Variants in MAGI1 observed in about 807,000 individuals in gnomAD.
MAGI1 encodes the protein membrane associated guanylate kinase, WW and PDZ domain containing 1.
A neutral mutation model predicts 139.9 loss-of-function variants in MAGI1; 58 were observed. That is an observed-to-expected ratio of 0.41 (90% CI 0.34 to 0.52). The LOEUF (loss-of-function observed/expected upper bound fraction) is 0.52, where lower values mean the gene tolerates loss of function less well. Ranked by LOEUF, MAGI1 falls within the 20% of genes least tolerant of loss-of-function variation. The probability of loss-of-function intolerance (pLI) is 0.12; values close to 1 mark genes in which losing one functional copy is unlikely to be tolerated. For missense variants in MAGI1, 1,874 were observed against 1,901.6 expected, an observed-to-expected ratio of 0.99 and a Z score of 0.27; for synonymous variants, 812 against 737.9, an observed-to-expected ratio of 1.10 and a Z score of -1.63.
At chr3:65,528,398 T>C (rs146720262) in intron 2 of MAGI1, among the ~76,000 whole-genome samples, 51 of 152,304 alleles carry the variant, frequency 3.3e-4, no homozygotes, top group African/African-American at 1.4e-4. Context: ...AGAGATTCAA[T>C]AGATACACCA....
At chr3:65,740,106 G>A (rs2107776208) in intron 1 of MAGI1, among the ~76,000 whole-genome samples, 1 of 152,306 alleles carries the variant, frequency 6.6e-6, no homozygotes, top group South Asian at 2.1e-4. Context: ...TGATAGGAAT[G>A]TGCATTCAGT....
chr3:65,572,093 T>C (rs1313770188), intron 2 of MAGI1, among the ~76,000 whole-genome samples: 1 of 152,162 alleles, frequency 6.6e-6, no homozygotes, highest in Non-Finnish European at 1.5e-5. Flanking sequence ...AAGGTAATCA[T>C]CCTATTTAAT....
At chr3:66,008,023 A>G (rs937797418) in intron 1 of MAGI1, among the ~76,000 whole-genome samples, 7 of 151,776 alleles carry the variant, frequency 4.6e-5, no homozygotes, top group African/African-American at 1.7e-4. Flanking sequence ...CAGCCTCCCA[A>G]GTAGCTGGGA....
intron 12 of MAGI1, among the ~76,000 whole-genome samples, chr3:65,419,835 C>T (rs1946512746): frequency 6.6e-6 from 1 of 152,070 alleles, no homozygotes; most frequent in African/African-American, 2.4e-5. Context: ...ATATCGCCTG[C>T]TACAAGGGCA....
At chr3:65,819,439 T>C (rs1185590689) in intron 1 of MAGI1, among the ~76,000 whole-genome samples, 1 of 152,160 alleles carries the variant, frequency 6.6e-6, no homozygotes, top group Non-Finnish European at 1.5e-5. Context: ...ACATTGGTCA[T>C]CCTAGTGACC....
At position 65,943,238 on chromosome 3, in the gene MAGI1, T is replaced by C. The variant is rs2063395631; in HGVS notation, c.313+94758A>G. 2.6e-5 allele frequency among the ~76,000 whole-genome samples: 4 copies of C among 152,104 alleles called. 1 individual carries two copies. The highest frequency in any genetic ancestry group is 5.9e-5 in the Non-Finnish European group (4 of 68,006). On this transcript the variant is annotated intron_variant, in intron 1 of 22. Coordinates refer to ENST00000402939, the MANE Select transcript of MAGI1 (RefSeq NM_001033057.2). ...GATGGAGAAACATTCTTTGAAAATG[T>C]CCCTTTTTCTCTCTGAACCTTCACT...
chr3:65,498,099 T>C (rs1410538292), intron 2 of MAGI1, among the ~76,000 whole-genome samples: 1 of 152,054 alleles, frequency 6.6e-6, no homozygotes, highest in Non-Finnish European at 1.5e-5. Flanking sequence ...TGTAGCAGAA[T>C]GGCAGGCTGC....
At chr3:65,661,745 G>GTTTTTTTTTTTTTTTTTTTTT (rs11369893) in intron 1 of MAGI1, among the ~76,000 whole-genome samples, 2 of 93,922 alleles carry the variant, frequency 2.1e-5, no homozygotes, top group African/African-American at 8.5e-5. Context: ...GTTTTTTTCT[G>GTTTTTTTTTTTTTTTTTTTTT]TTTTTTTTTT....
intron 2 of MAGI1, among the ~76,000 whole-genome samples, chr3:65,562,616 G>A (rs1269418765): frequency 1.3e-5 from 2 of 152,142 alleles, no homozygotes; most frequent in South Asian, 2.1e-4. Flanking sequence ...AGCCTTCTGG[G>A]GAGGTGGGAT....
intron 1 of MAGI1, among the ~76,000 whole-genome samples, chr3:65,828,126 C>G (rs535063764): frequency 6.6e-6 from 1 of 152,316 alleles, no homozygotes; most frequent in African/African-American, 2.4e-5. Flanking sequence ...TGATGGACTT[C>G]AAATCAGCTT....
intron 1 of MAGI1, among the ~76,000 whole-genome samples, chr3:65,943,460 G>A (rs1217109643): frequency 1.3e-5 from 2 of 151,760 alleles, no homozygotes; most frequent in Non-Finnish European, 2.9e-5. Flanking sequence ...CTGTAATCCC[G>A]GCTAGTCGGG....
chr3:65,434,156 T>C (rs1947667982), intron 10 of MAGI1, among the ~76,000 whole-genome samples: 1 of 152,156 alleles, frequency 6.6e-6, no homozygotes, highest in Admixed American at 6.6e-5. Flanking sequence ...AAATCTGTGC[T>C]CTGCTACTTA....
intron 1 of MAGI1, among the ~76,000 whole-genome samples, chr3:65,723,704 A>C (rs1352141060): frequency 6.6e-6 from 1 of 152,214 alleles, no homozygotes; most frequent in Non-Finnish European, 1.5e-5. Flanking sequence ...GTACATTCTC[A>C]TTAACTTCAG....
chr3:65,991,885 G>A (rs951507685), intron 1 of MAGI1, among the ~76,000 whole-genome samples: 3 of 149,440 alleles, frequency 2.0e-5, no homozygotes, highest in African/African-American at 7.4e-5. Context: ...CATGACAGCA[G>A]GCACCTGTAA....
chr3:65,596,130 A>C (rs531608747), intron 2 of MAGI1, among the ~76,000 whole-genome samples: 15 of 152,344 alleles, frequency 9.8e-5, no homozygotes, highest in African/African-American at 3.1e-4. Context: ...TGATCAAAAA[A>C]CAACAGTTTT....
In MAGI1 at chr3:65,750,027, T is replaced by C. The variant is rs114059947; in HGVS notation, c.314-127939A>G. Among the ~76,000 whole-genome samples the C allele has an allele frequency of 3.5e-3, 530 of 152,094 alleles. 3 individuals carry two copies. The highest frequency in any genetic ancestry group is 0.012 in the African/African-American group (508 of 41,468). On this transcript the variant is annotated intron_variant, in intron 1 of 22. Coordinates refer to ENST00000402939, the MANE Select transcript of MAGI1 (RefSeq NM_001033057.2). ...CACAACAAACGAGGAAAACCCAAAC[T>C]CCTGGTGGCCAAGGCTCTGGTTAAG...
At chr3:65,899,021 G>A (rs1009581346) in intron 1 of MAGI1, among the ~76,000 whole-genome samples, 3 of 152,040 alleles carry the variant, frequency 2.0e-5, no homozygotes, top group African/African-American at 4.8e-5. Context: ...TCCCAGGCTC[G>A]GGTGATCCTC....
At chr3:65,852,597 G>A (rs1320769204) in intron 1 of MAGI1, among the ~76,000 whole-genome samples, 1 of 150,296 alleles carries the variant, frequency 6.7e-6, no homozygotes, top group Admixed American at 6.7e-5. Flanking sequence ...TCTGCCTCCC[G>A]GGTTCAAGTG....
chr3:65,382,872 C>T (rs551075197), intron 15 of MAGI1, among the ~76,000 whole-genome samples: 1 of 152,044 alleles, frequency 6.6e-6, no homozygotes, highest in African/African-American at 2.4e-5. Context: ...TGTTAAGAGC[C>T]TTTAGCACAG....
Sources: allele counts gnomAD v4.1 joint callset (sites outside exome capture counted in the v4.1 genomes callset), GRCh38; gene constraint gnomAD v4.1.1; transcripts MANE v1.5; gene names NCBI Gene and HGNC (gene_info 2026-07-23, HGNC 2026-07-21).